GTF2A1L: variants seen among roughly 807,000 people sequenced by gnomAD.
GTF2A1L encodes general transcription factor IIA subunit 1 like.
Under a neutral mutation model 49.7 loss-of-function variants are expected in GTF2A1L, and 48 were observed. That is an observed-to-expected ratio of 0.97 (90% CI 0.77 to 1.23). GTF2A1L has a LOEUF of 1.23. Ranked by LOEUF, GTF2A1L falls within the 50% of genes most tolerant of loss-of-function variation. The probability of loss-of-function intolerance (pLI) is 0.00; values close to 1 mark genes in which losing one functional copy is unlikely to be tolerated. For synonymous variants in GTF2A1L, 246 were observed against 193.5 expected (o/e 1.27, Z -2.25); for missense variants, 736 against 564.8 (o/e 1.30, Z -3.07).
At chr2:48,662,958 A>G (rs1342335443) in intron 6 of GTF2A1L, among the ~76,000 whole-genome samples, 1 of 152,104 alleles carries the variant, frequency 6.6e-6, no homozygotes, top group Non-Finnish European at 1.5e-5. Flanking sequence ...ATACCTGCTG[A>G]GTACTATGCT....
chr2:48,622,496 GC>G lies in GTF2A1L; in HGVS notation c.247+1207del, dbSNP rs111440244. Among the ~76,000 whole-genome samples the G allele has an allele frequency of 2.7e-3, 417 of 152,142 alleles. 5 individuals carry two copies. Among genetic ancestry groups the G allele is most frequent in the African/African-American group, 9.8e-3 (406 of 41,466 alleles). On this transcript the variant is annotated intron_variant, in intron 3 of 8. Transcript: ENST00000403751. Reference sequence around the variant, plus strand: ...ATCACTGTTTTATTTATTACAGAATGCTAAAGATGTTTTTTTAACTTATGGT... The same window carrying G: ...ATCACTGTTTTATTTATTACAGAATGTAAAGATGTTTTTTTAACTTATGGT...
chr2:48,640,497 A>C (rs1202609449), intron 3 of GTF2A1L, among the ~76,000 whole-genome samples: 1 of 152,106 alleles, frequency 6.6e-6, no homozygotes, highest in Non-Finnish European at 1.5e-5. Context: ...ACTCATGAAC[A>C]CAAGGAAACA....
Position 48,679,381 on chromosome 2 carries a change from T to C in GTF2A1L, c.1376T>C (p.Val459Ala), listed in dbSNP as rs375684321. The C allele has an allele frequency of 2.5e-6, 4 of 1,612,008 alleles. No individual in the cohort carries two copies. The change falls in exon 9 of 9, where the codon GTT (valine) becomes GCT (alanine). Residue 459 changes from valine (V) to alanine (A), a missense_variant. Transcript: ENST00000403751. Reference protein sequence around the residue: ...NKWKFYLKDGVMCFGGRDYVF... With the variant: ...NKWKFYLKDGAMCFGGRDYVF... ...TGGAAATTCTATTTGAAAGATGGTG[T>C]TATGTGTTTTGGAGGGAGAGACTAT...
At chr2:48,669,664 T>G in intron 6 of GTF2A1L, 58 bp from the exon 7 acceptor site, 1 of 1,518,966 alleles carries the variant, frequency 6.6e-7, no homozygotes, top group Non-Finnish European at 8.8e-7. Flanking sequence ...AAATTTGGAT[T>G]CAATATTTTA....
intron 6 of GTF2A1L, among the ~76,000 whole-genome samples, chr2:48,666,111 G>T (rs1678825180): frequency 6.6e-6 from 1 of 151,370 alleles, no homozygotes; most frequent in Non-Finnish European, 1.5e-5. Flanking sequence ...GCAGTTTCAG[G>T]TTTATTTTGA....
At position 48,646,712 on chromosome 2, in the gene GTF2A1L, T is replaced by C; in HGVS notation, c.648T>C (p.Asp216=). 6.2e-7 allele frequency: 1 copy of C among 1,614,236 alleles called. No homozygotes were observed. The highest frequency in any genetic ancestry group is 1.1e-5 in the South Asian group (1 of 91,090). ...AACACTTAGAAAATGCCACCAGTGA[T>C]ATACTTGTATCTCCTGGAAATGAGC... ...DRKHLENATS[D]ILVSPGNEHK... is the part of the protein sequence containing the mutation. The change falls in exon 6 of 9, where the codon GAT becomes GAC. Residue 216 remains aspartate (D), a synonymous_variant. Coordinates refer to ENST00000403751, the MANE Select transcript of GTF2A1L (RefSeq NM_006872.5).
At chr2:48,641,077 G>C (rs1677172666) in intron 3 of GTF2A1L, among the ~76,000 whole-genome samples, 1 of 152,084 alleles carries the variant, frequency 6.6e-6, no homozygotes, top group Admixed American at 6.6e-5. Flanking sequence ...CCTAAAAGAG[G>C]ATGATTGTTG....
At chr2:48,675,795 C>G (rs1251628984) in intron 8 of GTF2A1L, among the ~76,000 whole-genome samples, 1 of 151,696 alleles carries the variant, frequency 6.6e-6, no homozygotes, top group Admixed American at 6.6e-5. Context: ...TGATTAATTT[C>G]TAGGTGTGTA....
chr2:48,619,510 G>T (rs1052668021), intron 1 of GTF2A1L, among the ~76,000 whole-genome samples: 3 of 151,540 alleles, frequency 2.0e-5, no homozygotes, highest in African/African-American at 7.3e-5. Context: ...AAAAAGCACA[G>T]CTACTCTTGG....
intron 8 of GTF2A1L, 50 bp from the exon 9 acceptor site, chr2:48,679,285 A>T (rs772598017): frequency 6.3e-7 from 1 of 1,586,048 alleles, no homozygotes; most frequent in East Asian, 2.3e-5. Flanking sequence ...AATGCAGGTG[A>T]TCCTTTAACT....
chr2:48,645,208 C>G (rs1047970988), intron 5 of GTF2A1L, 91 bp downstream of exon 5: 1 of 1,136,806 alleles, frequency 8.8e-7, no homozygotes, highest in Admixed American at 2.7e-5. Flanking sequence ...AACTATATAC[C>G]AGAAGTTATA....
rs1036866096 is a variant in GTF2A1L, at chr2:48,632,890, C to A, written c.248-9512C>A. ...TTTCTAAACCATCTTTAAAGAAAAT[C>A]ATATACAGGGTCACACCATCCTCAT... On this transcript the variant is annotated intron_variant, in intron 3 of 8. Transcript: ENST00000403751. The A allele has an allele frequency of 1.2e-5, 3 of 245,748 alleles. No homozygotes were observed. The South Asian group carries it at 1.6e-4, about 13-fold the overall frequency. 15.2% of individuals were successfully genotyped at this position (245,748 alleles called of 1,614,324 possible).
intron 6 of GTF2A1L, among the ~76,000 whole-genome samples, chr2:48,663,451 A>G (rs552655123): frequency 1.3e-5 from 2 of 152,246 alleles, no homozygotes; most frequent in East Asian, 1.9e-4. Context: ...ATCTGAATCA[A>G]TCTCAATCAA....
chr2:48,679,546 A>G lies in GTF2A1L; in HGVS notation c.*104A>G, dbSNP rs1679656964. 4 of 1,497,248 alleles carry G rather than the reference A, an allele frequency of 2.7e-6. No homozygotes were observed. Among genetic ancestry groups the G allele is most frequent in the African/African-American group, 1.4e-5 (1 of 69,082 alleles). The allele number at this position is 1,497,248 out of a possible 1,614,324, so 92.7% of individuals were successfully genotyped here. On this transcript the variant is annotated 3_prime_UTR_variant, in exon 9 of 9. Coordinates refer to ENST00000403751, the MANE Select transcript of GTF2A1L (RefSeq NM_006872.5). ...ATATAGTCCAGCACAGAGCTGTTCA[A>G]ATTTTTAGTTCACTGTATGGAATTT...
At chr2:48,674,977 C>T (rs546279562) in intron 8 of GTF2A1L, among the ~76,000 whole-genome samples, 1 of 152,056 alleles carries the variant, frequency 6.6e-6, no homozygotes, top group South Asian at 2.1e-4. Context: ...GTGATGTAGT[C>T]AGAAGATAGC....
rs34874672 is a variant in GTF2A1L at position 48,619,469 on chromosome 2, CA to C, written c.22-1369del. ...TGGGTGACAGAGCAAGACTCCATCT[CA>C]AAAAAAAAAAAATAATAATAATAAT... is the stretch of plus-strand genomic sequence containing the variant. On this transcript the variant is annotated intron_variant, in intron 1 of 8. Coordinates refer to ENST00000403751, the MANE Select transcript of GTF2A1L (RefSeq NM_006872.5). Among the ~76,000 whole-genome samples, 258 of 133,596 alleles carry C rather than the reference CA, an allele frequency of 1.9e-3. 3 individuals are homozygous for C. Among genetic ancestry groups the C allele is most frequent in the African/African-American group, 4.7e-3 (168 of 35,544 alleles). The allele number at this position is 133,596 out of a possible 152,430, so 87.6% of individuals were successfully genotyped here. A position where few individuals can be genotyped will look rare whatever the true frequency, so the allele number is the denominator to read the frequency against.
chr2:48,645,011 A>C (rs772803049), intron 4 of GTF2A1L, 22 bp from the exon 5 acceptor site: 4 of 1,579,534 alleles, frequency 2.5e-6, no homozygotes, highest in Non-Finnish European at 2.6e-6. Flanking sequence ...CTAACTTTCT[A>C]ATATAAATTT....
intron 1 of GTF2A1L, among the ~76,000 whole-genome samples, chr2:48,620,167 G>T (rs536753967): frequency 6.6e-6 from 1 of 152,308 alleles, no homozygotes; most frequent in South Asian, 2.1e-4. Flanking sequence ...ATTGAAAACA[G>T]AAGGTCTATT....
intron 8 of GTF2A1L, among the ~76,000 whole-genome samples, chr2:48,674,007 A>C (rs1402952996): frequency 2.0e-5 from 3 of 152,122 alleles, no homozygotes; most frequent in African/African-American, 4.8e-5. Context: ...GCCAGAACAC[A>C]TATGGGGTAA....
Sources: allele counts gnomAD v4.1 joint callset (sites outside exome capture counted in the v4.1 genomes callset), GRCh38; gene constraint gnomAD v4.1.1; transcripts MANE v1.5; gene names NCBI Gene and HGNC (gene_info 2026-07-23, HGNC 2026-07-21).